The following GALNT11 variants were observed in gnomAD, a reference collection of about 807,000 sequenced individuals.
The protein encoded by GALNT11 is UDP-GalNAc:polypeptide N-acetylgalactosaminyltransferase 11.
In GALNT11, 47 loss-of-function variants were observed where a neutral mutation model predicts 72.7. The observed-to-expected ratio is 0.65, with a 90% CI of 0.51 to 0.82. GALNT11 has a LOEUF of 0.82. Among genes scored for constraint, GALNT11 ranks in the 40% least tolerant of loss-of-function variants. GALNT11 has a pLI of 0.00. For synonymous variants in GALNT11, 270 were observed against 286.6 expected (o/e 0.94, Z 0.58); for missense variants, 677 against 778.4 (o/e 0.87, Z 1.55).
At chr7:152,032,415 G>GC (rs1158509716) in intron 1 of GALNT11, among the ~76,000 whole-genome samples, 1 of 152,198 alleles carries the variant, frequency 6.6e-6, no homozygotes, top group Non-Finnish European at 1.5e-5. Context: ...ATTTGAGAGA[G>GC]CAGGGTATAG....
intron 4 of GALNT11, chr7:152,103,496 G>A (rs898851292): frequency 3.1e-5 from 14 of 446,384 alleles, no homozygotes; most frequent in African/African-American, 5.8e-5. Flanking sequence ...AATTTTTTCC[G>A]TGGCTTACTT....
chr7:152,034,450 G>A (rs1173012040), intron 1 of GALNT11, among the ~76,000 whole-genome samples: 2 of 152,130 alleles, frequency 1.3e-5, no homozygotes, highest in African/African-American at 4.8e-5. Context: ...GAATATGGGG[G>A]CCAGGCCATA....
intron 1 of GALNT11, among the ~76,000 whole-genome samples, chr7:152,026,958 T>C (rs1386114547): frequency 1.3e-5 from 2 of 152,188 alleles, no homozygotes; most frequent in African/African-American, 2.4e-5. Context: ...TCTTTAAAAA[T>C]TTTTTTATTA....
At chr7:152,091,427 A>G (rs1361570422) in intron 1 of GALNT11, among the ~76,000 whole-genome samples, 2 of 152,054 alleles carry the variant, frequency 1.3e-5, no homozygotes, top group Non-Finnish European at 2.9e-5. Flanking sequence ...TTTTTAGTAG[A>G]GACAGGGTTT....
intron 11 of GALNT11, 65 bp downstream of exon 11, chr7:152,121,033 G>A: frequency 6.4e-7 from 1 of 1,556,966 alleles, no homozygotes; most frequent in East Asian, 2.3e-5. Context: ...GAGGGAGTGT[G>A]GCAGATGAAC....
In GALNT11 at chr7:152,108,188, CT is replaced by C; in HGVS notation, c.864del (p.Val289SerfsTer22). ...SADTLAYSSS[P>X]VVRGGFNWGL... ...GACACGCTGGCCTACAGCTCGTCCC[CT>C]GTCGTCCGCGGAGGGTTCAACTGGG... On this transcript the variant is annotated frameshift_variant, in exon 6 of 12. Coordinates refer to ENST00000430044, the MANE Select transcript of GALNT11 (RefSeq NM_022087.4). LOFTEE classifies it high-confidence loss of function. The C allele has an allele frequency of 6.2e-7, 1 of 1,614,130 alleles. No individual in the cohort carries two copies. The highest frequency in any genetic ancestry group is 8.5e-7 in the Non-Finnish European group (1 of 1,179,986).
In GALNT11 at chr7:152,062,150, T is replaced by C. The variant is rs1234421808; in HGVS notation, c.-38-32040T>C. ...TTGTTTGTGTCCTCTTTTATTTCAT[T>C]GAGCAGTGGTTTGTAGTTCTCCTTG... On this transcript the variant is annotated intron_variant, in intron 1 of 11. Transcript: ENST00000430044. Among the ~76,000 whole-genome samples, 5 of 152,230 alleles carry C rather than the reference T, an allele frequency of 3.3e-5. No individual in the cohort carries two copies. In the South Asian group the frequency reaches 8.3e-4, roughly 25 times the overall value.
intron 1 of GALNT11, among the ~76,000 whole-genome samples, chr7:152,053,122 C>T (rs1163702112): frequency 2.0e-5 from 3 of 151,788 alleles, no homozygotes; most frequent in African/African-American, 7.3e-5. Context: ...ATTTTTTTTC[C>T]CTCTGTTCCA....
intron 1 of GALNT11, among the ~76,000 whole-genome samples, chr7:152,074,129 A>G (rs1481822884): frequency 1.3e-5 from 2 of 152,150 alleles, no homozygotes; most frequent in Non-Finnish European, 2.9e-5. Context: ...TTTGCTGTAT[A>G]GAAGTTTTTT....
intron 1 of GALNT11, among the ~76,000 whole-genome samples, chr7:152,029,495 AC>A (rs926000640): frequency 2.0e-5 from 3 of 152,174 alleles, no homozygotes; most frequent in African/African-American, 7.2e-5. Flanking sequence ...TACACTGTTA[AC>A]TTTTAGCAAA....
chr7:152,110,739 T>C (rs2088090255), intron 7 of GALNT11, 94 bp downstream of exon 7: 1 of 943,808 alleles, frequency 1.1e-6, no homozygotes, highest in Non-Finnish European at 1.6e-6. Flanking sequence ...TCCTTGATTA[T>C]TTTTTTTTCG....
intron 8 of GALNT11, among the ~76,000 whole-genome samples, chr7:152,115,107 A>G (rs1286127051): frequency 6.6e-6 from 1 of 152,164 alleles, no homozygotes; most frequent in Non-Finnish European, 1.5e-5. Context: ...GTCTAATTCC[A>G]TGCTCATCTC....
intron 8 of GALNT11, 126 bp downstream of exon 8, chr7:152,113,524 A>G (rs888369782): frequency 1.3e-5 from 14 of 1,042,002 alleles, no homozygotes; most frequent in Non-Finnish European, 1.8e-5. Context: ...CTTAGGGCCA[A>G]CTCTTTCTAG....
At chr7:152,099,696 C>T (rs556290654) in intron 2 of GALNT11, among the ~76,000 whole-genome samples, 6 of 149,880 alleles carry the variant, frequency 4.0e-5, no homozygotes, top group African/African-American at 1.5e-4. Context: ...CCTAATATTA[C>T]AGTGACTTTG....
chr7:152,055,798 A>AT (rs1184141391), intron 1 of GALNT11, among the ~76,000 whole-genome samples: 1 of 152,070 alleles, frequency 6.6e-6, no homozygotes, highest in Non-Finnish European at 1.5e-5. Context: ...GGAACTAAAA[A>AT]TTCTTCTTTT....
At chr7:152,070,325 G>A (rs1045331203) in intron 1 of GALNT11, among the ~76,000 whole-genome samples, 10 of 151,984 alleles carry the variant, frequency 6.6e-5, no homozygotes, top group African/African-American at 2.4e-4. Context: ...GACATTTTAT[G>A]TGATTCAACT....
At chr7:152,072,029 A>G (rs1283846327) in intron 1 of GALNT11, among the ~76,000 whole-genome samples, 2 of 150,964 alleles carry the variant, frequency 1.3e-5, no homozygotes, top group African/African-American at 4.9e-5. Context: ...AAAAAAAAAA[A>G]AGTTTTTAAG....
chr7:152,116,159 A>G (rs1311988530), intron 8 of GALNT11, among the ~76,000 whole-genome samples: 1 of 152,266 alleles, frequency 6.6e-6, no homozygotes, highest in Non-Finnish European at 1.5e-5. Context: ...CCAGTGGAGT[A>G]GTATTTTCCA....
chr7:152,109,683 G>A (rs1490008934), intron 6 of GALNT11, among the ~76,000 whole-genome samples: 2 of 151,976 alleles, frequency 1.3e-5, no homozygotes. Context: ...TTTATTTGTT[G>A]CTTATTTATT....
Sources: gnomAD v4.1 joint callset for allele counts (sites outside exome capture counted in the v4.1 genomes callset) on GRCh38, gnomAD v4.1.1 for gene constraint, MANE v1.5 for transcripts, NCBI Gene and HGNC (gene_info 2026-07-23, HGNC 2026-07-21) for gene names.